LINGO1: variants seen among roughly 807,000 people sequenced by gnomAD.
The protein encoded by LINGO1 is leucine rich repeat and Ig domain containing 1.
Under a neutral mutation model 37.3 loss-of-function variants are expected in LINGO1, and 11 were observed. The observed-to-expected ratio is 0.29, with a 90% CI of 0.19 to 0.49. The LOEUF (loss-of-function observed/expected upper bound fraction) is 0.49. LINGO1 is among the 20% of genes least tolerant of loss of function. LINGO1 has a pLI of 0.99. For missense variants in LINGO1, 585 were observed against 878.2 expected (o/e 0.67, Z 4.22); for synonymous variants, 387 against 403.0 (o/e 0.96, Z 0.48).
upstream of LINGO1, among the ~76,000 whole-genome samples, chr15:77,636,568 G>T (rs1181960852): frequency 6.6e-6 from 1 of 152,134 alleles, no homozygotes; most frequent in Non-Finnish European, 1.5e-5. Flanking sequence ...TGGGTGCTCA[G>T]GTGGACCCCG....
At chr15:77,647,707 T>C (rs2074665566) in intron 3 of LINGO1, 1 of 369,052 alleles carries the variant, frequency 2.7e-6, no homozygotes, top group Non-Finnish European at 5.4e-6. Flanking sequence ...TGGCAAAACG[T>C]TGCACACCTC....
At chr15:77,774,773 C>T (rs903002329) in intron 1 of LINGO1, among the ~76,000 whole-genome samples, 1 of 152,090 alleles carries the variant, frequency 6.6e-6, no homozygotes, top group Non-Finnish European at 1.5e-5. Context: ...TGTATTGGGT[C>T]CTGACCCTGG....
chr15:77,699,651 G>GCCCA (rs2075749555), upstream of LINGO1, among the ~76,000 whole-genome samples: 1 of 122,140 alleles, frequency 8.2e-6, no homozygotes, highest in African/African-American at 3.3e-5. Context: ...ACCATCATCT[G>GCCCA]CATACAGTAA....
At chr15:77,707,788 A>G (rs1274938754) in intron 2 of LINGO1, among the ~76,000 whole-genome samples, 3 of 151,996 alleles carry the variant, frequency 2.0e-5, no homozygotes, top group Admixed American at 2.0e-4. Flanking sequence ...GAAGGCTCTG[A>G]CCATCAGGGT....
intron 1 of LINGO1, among the ~76,000 whole-genome samples, chr15:77,762,938 C>T (rs1393548491): frequency 2.0e-5 from 3 of 152,192 alleles, no homozygotes; most frequent in Non-Finnish European, 4.4e-5. Context: ...ACCCCAGCAC[C>T]AGCTCCAGGA....
In LINGO1 at chr15:77,799,073, A is replaced by G. The variant is rs140165903; in HGVS notation, c.-457-3020T>C. Among the ~76,000 whole-genome samples, 119 of 152,294 alleles carry G rather than the reference A, an allele frequency of 7.8e-4. 1 individual carries two copies. In the East Asian group the frequency reaches 0.02, roughly 26 times the overall value. On this transcript the variant is annotated intron_variant, in intron 1 of 5. Coordinates refer to the LINGO1 transcript ENST00000562933. ...GGGAGACTGAGGTCCAACCAGGGTCAGGGTCACACAGAAAGTCAACCAAAA... is the reference window on the plus strand; with the variant it reads ...GGGAGACTGAGGTCCAACCAGGGTCGGGGTCACACAGAAAGTCAACCAAAA...
chr15:77,668,281 T>A (rs1301686459), intron 3 of LINGO1, among the ~76,000 whole-genome samples: 6 of 152,128 alleles, frequency 3.9e-5, no homozygotes, highest in Non-Finnish European at 7.4e-5. Context: ...CCATCCCCTA[T>A]CAAGCACTTT....
intron 3 of LINGO1, among the ~76,000 whole-genome samples, chr15:77,672,824 A>G (rs1596086146): frequency 6.6e-6 from 1 of 152,044 alleles, no homozygotes; most frequent in Non-Finnish European, 1.5e-5. Context: ...CTCTTCCCAC[A>G]CTGAAGGTAA....
chr15:77,705,205 A>ACACACACACACACACACACACACACACC (rs1555532644), intron 2 of LINGO1, among the ~76,000 whole-genome samples: 104 of 145,398 alleles, frequency 7.2e-4, no homozygotes, highest in African/African-American at 2.7e-3. Context: ...ACACACACAC[A>ACACACACACACACACACACACACACACC]CCAGTCCACT....
chr15:77,819,311 C>T (rs1249492214), intron 1 of LINGO1: 3 of 150,974 alleles, frequency 2.0e-5, no homozygotes, highest in East Asian at 2.0e-4. Context: ...CGCTCCGGGC[C>T]GGCATCCCCC....
intron 3 of LINGO1, among the ~76,000 whole-genome samples, chr15:77,645,742 G>T (rs1294523080): frequency 6.6e-6 from 1 of 152,250 alleles, no homozygotes; most frequent in Non-Finnish European, 1.5e-5. Context: ...TAGAAGAGCT[G>T]GTGGCCTTTC....
At position 77,799,190 on chromosome 15, in the gene LINGO1, T is replaced by C. The variant is rs114708070; in HGVS notation, c.-457-3137A>G. On this transcript the variant is annotated intron_variant, in intron 1 of 5. Coordinates refer to the LINGO1 transcript ENST00000562933. Reference sequence around the variant, plus strand: ...ATTTCCTCATTATTCATTCTACTTTTGTTAAGTACCTACCATGTGTTTGGT... The same window carrying C: ...ATTTCCTCATTATTCATTCTACTTTCGTTAAGTACCTACCATGTGTTTGGT... 7.0e-3 allele frequency among the ~76,000 whole-genome samples: 1,069 copies of C among 152,352 alleles called. 13 individuals are homozygous for C. Among genetic ancestry groups the C allele is most frequent in the African/African-American group, 0.025 (1,024 of 41,580 alleles).
At chr15:77,706,746 C>A (rs981347762) in intron 2 of LINGO1, among the ~76,000 whole-genome samples, 1 of 152,228 alleles carries the variant, frequency 6.6e-6, no homozygotes, top group African/African-American at 2.4e-5. Flanking sequence ...GTGAGCCTCA[C>A]TCGGAAAGGG....
At chr15:77,716,280 CTT>C (rs5813879) in intron 2 of LINGO1, among the ~76,000 whole-genome samples, 9 of 119,246 alleles carry the variant, frequency 7.5e-5, no homozygotes, top group Non-Finnish European at 1.0e-4. Flanking sequence ...TCTTCTTCTT[CTT>C]TTTTTTTTTT....
rs1318046733 is a variant in LINGO1, at chr15:77,732,692, C to T, written c.-195+2300G>A. Among the ~76,000 whole-genome samples the T allele has an allele frequency of 2.6e-5, 4 of 152,246 alleles. No individual in the cohort carries two copies. The East Asian group carries it at 7.7e-4, about 29-fold the overall frequency. On this transcript the variant is annotated intron_variant, in intron 2 of 3. Transcript: ENST00000561686. ...CGGCCAAGGCTGGCCACAGCCCACG[C>T]CAGCCCTGCCTGCACACAGAGCCCA...
Position 77,723,490 on chromosome 15 carries a change from C to T in LINGO1, c.-195+11502G>A, listed in dbSNP as rs79137774. Among the ~76,000 whole-genome samples, 11 of 152,340 alleles carry T rather than the reference C, an allele frequency of 7.2e-5. No homozygotes were observed. The East Asian group carries it at 1.9e-3, about 27-fold the overall frequency. ...CTGCGTGCTTCTGACGTGCCCGGCA[C>T]GTGTCCCAGGCTTTACCTGCGCCTC... On this transcript the variant is annotated intron_variant, in intron 2 of 3. Coordinates refer to the LINGO1 transcript ENST00000561686.
chr15:77,746,214 A>AG (rs529593726), intron 1 of LINGO1, among the ~76,000 whole-genome samples: 180 of 152,016 alleles, frequency 1.2e-3, no homozygotes, highest in African/African-American at 4.2e-3. Flanking sequence ...TCTCAAAAAA[A>AG]AAAAAAAAAA....
chr15:77,780,295 G>A (rs2076702775), intron 1 of LINGO1, among the ~76,000 whole-genome samples: 1 of 152,180 alleles, frequency 6.6e-6, no homozygotes, highest in African/African-American at 2.4e-5. Context: ...CCACTGAAAG[G>A]GAGAACATGG....
chr15:77,753,886 T>G (rs2076394612), intron 1 of LINGO1, among the ~76,000 whole-genome samples: 1 of 152,240 alleles, frequency 6.6e-6, no homozygotes, highest in South Asian at 2.1e-4. Flanking sequence ...GAACCCCTTA[T>G]GCACCCATTT....
Sources: gnomAD v4.1 joint callset for allele counts (sites outside exome capture counted in the v4.1 genomes callset) on GRCh38, gnomAD v4.1.1 for gene constraint, MANE v1.5 for transcripts, NCBI Gene and HGNC (gene_info 2026-07-23, HGNC 2026-07-21) for gene names.